ADGRG1: variants seen among roughly 807,000 people sequenced by gnomAD.
ADGRG1 encodes 7-transmembrane protein with no EGF-like N-terminal domains-1.
In ADGRG1, 53 loss-of-function variants were observed where a neutral mutation model predicts 73.5. The ratio of observed to expected loss-of-function variants is 0.72; its 90% confidence interval spans 0.58 to 0.91. The LOEUF is 0.91. Ranked by LOEUF, ADGRG1 falls within the 40% of genes least tolerant of loss-of-function variation. ADGRG1 has a pLI of 0.00. For missense variants in ADGRG1, 795 were observed against 871.8 expected, an observed-to-expected ratio of 0.91 and a Z score of 1.11; for synonymous variants, 394 against 374.4, an observed-to-expected ratio of 1.05 and a Z score of -0.60.
intron 12 of ADGRG1, chr16:57,661,205 G>A (rs1235896824): frequency 2.4e-6 from 2 of 823,020 alleles, no homozygotes; most frequent in East Asian, 2.5e-4. Flanking sequence ...ATGCAGATGG[G>A]AAGACAGAGG....
chr16:57,662,101 C>A, intron 13 of ADGRG1, 136 bp downstream of exon 13: 1 of 767,758 alleles, frequency 1.3e-6, no homozygotes, highest in Non-Finnish European at 2.3e-6. Flanking sequence ...TGGGGACATC[C>A]AGGCCACAGT....
chr16:57,626,849 T>C (rs772296143), upstream of ADGRG1: 230 of 976,890 alleles, frequency 2.4e-4, no homozygotes, highest in Middle Eastern at 1.6e-3. Context: ...GAGGTGGTGG[T>C]ATGTCAGGGA....
In ADGRG1 at chr16:57,655,531, G is replaced by A. The variant is rs1438758851; in HGVS notation, c.900+1G>A. ...CTTCAGCAGCCAAGCCCTGTTCCAG[G>A]TATGGGGTCCTCACCCTCATGCCTC... On this transcript the variant is annotated splice_donor_variant, in intron 6 of 13. Transcript: ENST00000562631. LOFTEE classifies it high-confidence loss of function. The A allele has an allele frequency of 1.2e-6, 2 of 1,613,842 alleles. No homozygotes were observed. The highest frequency in any genetic ancestry group is 1.7e-6 in the Non-Finnish European group (2 of 1,180,040).
intron 5 of ADGRG1, chr16:57,655,008 C>T: frequency 1.0e-6 from 1 of 972,878 alleles, no homozygotes; most frequent in Non-Finnish European, 1.2e-6. Context: ...GCGTGAGCCA[C>T]TGCACCCAGC....
rs760775404 is a variant in ADGRG1 at position 57,651,420 on chromosome 16, C to T, written c.285C>T (p.Asn95=). 3 of 1,614,090 alleles carry T rather than the reference C, an allele frequency of 1.9e-6. No homozygotes were observed. The highest frequency in any genetic ancestry group is 2.5e-6 in the Non-Finnish European group (3 of 1,180,034). ...RGLYHFCLYW[N]RHAGRLHLLY... ...TCTACCACTTCTGCCTCTACTGGAA[C>T]CGACATGCTGGGAGATTACATCTTC... The change falls in exon 3 of 14, where the codon AAC becomes AAT. Residue 95 remains asparagine, a synonymous_variant. Coordinates refer to ENST00000562631, the MANE Select transcript of ADGRG1 (RefSeq NM_201525.4).
intron 1 of ADGRG1, chr16:57,633,656 C>A (rs11646192): frequency 0.52 from 136,940 of 261,800 alleles, 37,844 homozygotes; most frequent in African/African-American, 0.77. Flanking sequence ...AAACATGAGG[C>A]TGGTAATGGC....
intron 1 of ADGRG1, chr16:57,648,771 AC>A: frequency 1.1e-6 from 1 of 944,920 alleles, no homozygotes; most frequent in Non-Finnish European, 1.3e-6. Context: ...GTCTGTGAGC[AC>A]CCAGCTCTGC....
chr16:57,643,801 G>A, intron 1 of ADGRG1: 1 of 984,914 alleles, frequency 1.0e-6, no homozygotes, highest in Non-Finnish European at 1.2e-6. Context: ...CTCACTTGGG[G>A]AGTGGGAATG....
At chr16:57,660,646 T>C in intron 11 of ADGRG1, 122 bp from the exon 12 acceptor site, 2 of 1,522,526 alleles carry the variant, frequency 1.3e-6, no homozygotes, top group Non-Finnish European at 1.8e-6. Flanking sequence ...CAGATGGGGC[T>C]GGGTGGGCTT....
intron 1 of ADGRG1, chr16:57,639,621 G>T: frequency 1.0e-6 from 1 of 985,484 alleles, no homozygotes. Context: ...CATCTGCCAC[G>T]CACGTTCTTA....
At chr16:57,641,112 G>A (rs2147752203) in intron 1 of ADGRG1, 1 of 932,118 alleles carries the variant, frequency 1.1e-6, no homozygotes, top group South Asian at 5.0e-5. Flanking sequence ...GCGGGAGCCT[G>A]GAGGGCCCTG....
rs573010528 is a variant in ADGRG1 at position 57,641,663 on chromosome 16, T to C, written c.-35-8590T>C. On this transcript the variant is annotated intron_variant, in intron 1 of 13. Coordinates refer to ENST00000562631, the MANE Select transcript of ADGRG1 (RefSeq NM_201525.4). ...TCATCGTAACCTCCACCTCCCGGGT[T>C]CAAGTGATTCTCATGCCTCAGCCTC... The C allele has an allele frequency of 2.2e-3, 1,124 of 505,460 alleles. 4 individuals are homozygous for C. The highest frequency in any genetic ancestry group is 3.1e-3 in the South Asian group (36 of 11,688). 31.3% of individuals were successfully genotyped at this position (505,460 alleles called of 1,614,324 possible).
At chr16:57,655,024 A>C (rs1868681) in intron 5 of ADGRG1, 609,685 of 973,964 alleles carry the variant, frequency 0.63, 194,381 homozygotes, top group African/African-American at 0.9. Flanking sequence ...CCAGCCACAC[A>C]CCCCATCTTG....
intron 1 of ADGRG1, chr16:57,639,431 G>A (rs904758289): frequency 1.2e-5 from 12 of 985,296 alleles, no homozygotes; most frequent in African/African-American, 8.7e-5. Context: ...CCCTTCTCCC[G>A]CGCTGGCGGC....
intron 13 of ADGRG1, among the ~76,000 whole-genome samples, chr16:57,662,375 C>T (rs1340057003): frequency 7.2e-5 from 11 of 151,770 alleles, no homozygotes; most frequent in Non-Finnish European, 1.2e-4. Context: ...GGATATGAGA[C>T]GTGTGAAGAC....
chr16:57,662,708 TG>T (rs1229537526), intron 13 of ADGRG1, among the ~76,000 whole-genome samples: 3 of 151,158 alleles, frequency 2.0e-5, no homozygotes, highest in Non-Finnish European at 4.4e-5. Context: ...GGCGGAGAGG[TG>T]GGATCCCAGG....
At chr16:57,645,402 C>A in intron 1 of ADGRG1, 1 of 831,744 alleles carries the variant, frequency 1.2e-6, no homozygotes, top group Non-Finnish European at 1.4e-6. Context: ...GCCTGCCCTT[C>A]TCCTGATGTC....
At chr16:57,645,228 G>A in intron 1 of ADGRG1, 1 of 985,472 alleles carries the variant, frequency 1.0e-6, no homozygotes, top group Non-Finnish European at 1.2e-6. Flanking sequence ...GGCAGTGGAA[G>A]TTGAGCTGGG....
At chr16:57,634,861 A>C in intron 1 of ADGRG1, 1 of 598,794 alleles carries the variant, frequency 1.7e-6, no homozygotes, top group Non-Finnish European at 2.1e-6. Flanking sequence ...TTCTAGCCGC[A>C]TCAGGCCATG....
Sources: allele counts gnomAD v4.1 joint callset (sites outside exome capture counted in the v4.1 genomes callset), GRCh38; gene constraint gnomAD v4.1.1; transcripts MANE v1.5; gene names NCBI Gene and HGNC (gene_info 2026-07-23, HGNC 2026-07-21).